The following ITSN2 variants were observed in gnomAD, a reference collection of about 807,000 sequenced individuals.
ITSN2 encodes intersectin-2.
ITSN2 carries 156 observed loss-of-function variants against 243.7 expected under a neutral mutation model. The ratio of observed to expected loss-of-function variants is 0.64; its 90% CI spans 0.56 to 0.73. The LOEUF is 0.73. ITSN2 is among the 30% of genes least tolerant of loss of function. ITSN2 has a pLI of 0.00. For synonymous variants in ITSN2, 703 were observed against 699.9 expected, an observed-to-expected ratio of 1.00 and a Z score of -0.07; for missense variants, 1,801 against 1,996.1, an observed-to-expected ratio of 0.90 and a Z score of 1.86.
chr2:24,305,173 C>T (rs904668995), intron 8 of ITSN2, among the ~76,000 whole-genome samples: 2 of 152,100 alleles, frequency 1.3e-5, no homozygotes, highest in Non-Finnish European at 2.9e-5. Context: ...CATGTCTTGC[C>T]CCTGTCTGTA....
chr2:24,293,613 TA>T, intron 15 of ITSN2, 74 bp downstream of exon 15: 1 of 588,642 alleles, frequency 1.7e-6, no homozygotes, highest in Non-Finnish European at 3.0e-6. Context: ...TTTTTAATTT[TA>T]AAAAAGTAAC....
chr2:24,297,205 T>C (rs1056708511), intron 13 of ITSN2, among the ~76,000 whole-genome samples: 21 of 152,232 alleles, frequency 1.4e-4, no homozygotes, highest in African/African-American at 5.1e-4. Context: ...TAATTTTTAA[T>C]GTAATTCAAG....
At chr2:24,272,214 C>G (rs1677451012) in intron 18 of ITSN2, among the ~76,000 whole-genome samples, 1 of 152,034 alleles carries the variant, frequency 6.6e-6, no homozygotes, top group South Asian at 2.1e-4. Flanking sequence ...GCTAACCAAC[C>G]TCCAAACTCA....
intron 25 of ITSN2, among the ~76,000 whole-genome samples, chr2:24,251,744 C>T (rs1454744399): frequency 6.7e-6 from 1 of 150,250 alleles, no homozygotes; most frequent in Non-Finnish European, 1.5e-5. Flanking sequence ...TTTATGTTAC[C>T]ATGTAATGGA....
intron 5 of ITSN2, among the ~76,000 whole-genome samples, chr2:24,311,137 AAGT>A (rs1353021072): frequency 2.0e-5 from 3 of 152,112 alleles, no homozygotes; most frequent in Non-Finnish European, 4.4e-5. Context: ...AAAAGGTTCT[AAGT>A]AGTAGATACT....
intron 17 of ITSN2, among the ~76,000 whole-genome samples, chr2:24,284,525 T>C (rs1453031868): frequency 6.6e-6 from 1 of 152,152 alleles, no homozygotes; most frequent in Non-Finnish European, 1.5e-5. Context: ...TTTCTAAGTG[T>C]CCTGGACTTC....
chr2:24,243,725 G>A (rs1673008212), intron 29 of ITSN2, among the ~76,000 whole-genome samples: 1 of 152,178 alleles, frequency 6.6e-6, no homozygotes, highest in Non-Finnish European at 1.5e-5. Flanking sequence ...TTATAGGTGT[G>A]CGCCACTGTG....
intron 15 of ITSN2, among the ~76,000 whole-genome samples, chr2:24,288,505 A>C (rs1290838149): frequency 6.6e-6 from 1 of 152,128 alleles, no homozygotes; most frequent in Admixed American, 6.5e-5. Flanking sequence ...TGTGTATGTT[A>C]ATTAGCTAGG....
chr2:24,285,201 A>AT (rs1432899480), intron 16 of ITSN2, among the ~76,000 whole-genome samples: 1 of 152,028 alleles, frequency 6.6e-6, no homozygotes, highest in East Asian at 1.9e-4. Context: ...AGTTATGTAG[A>AT]TTTTTTAAAG....
chr2:24,242,636 C>T (rs1185023634), intron 29 of ITSN2, among the ~76,000 whole-genome samples: 1 of 152,174 alleles, frequency 6.6e-6, no homozygotes, highest in Non-Finnish European at 1.5e-5. Flanking sequence ...TATGATTCTT[C>T]AATTTCTGAT....
Position 24,246,295 on chromosome 2 carries a change from G to A in ITSN2, c.3411C>T (p.Asp1137=). The A allele has an allele frequency of 6.2e-7, 1 of 1,608,228 alleles. No homozygotes were observed. The highest frequency in any genetic ancestry group is 8.5e-7 in the Non-Finnish European group (1 of 1,176,070). Residue 1137 remains aspartate (D), a synonymous_variant, in exon 29 of 40, where the codon GAC becomes GAT. Transcript: ENST00000355123. The stretch of plus-strand genomic sequence containing the variant: ...GCTCATCTTCATTATTTGCTGCATA[G>A]TCATACATAGCAATCACCTGACATA... ...HPVCQVIAMY[D]YAANNEDELS...
intron 8 of ITSN2, among the ~76,000 whole-genome samples, 181 bp from the exon 9 acceptor site, chr2:24,304,043 C>G (rs1682156906): frequency 6.6e-6 from 1 of 152,144 alleles, no homozygotes; most frequent in African/African-American, 2.4e-5. Context: ...CAGTCACTGC[C>G]CCAAGGAATT....
chr2:24,299,346 G>C (rs1323454200), intron 12 of ITSN2, among the ~76,000 whole-genome samples: 3 of 152,020 alleles, frequency 2.0e-5, no homozygotes, highest in African/African-American at 4.8e-5. Flanking sequence ...CTCTATTCTG[G>C]TATCTGGGGG....
In ITSN2 at chr2:24,290,643, T is replaced by C. The variant is rs888964493; in HGVS notation, c.1723+3045A>G. Among the ~76,000 whole-genome samples the C allele has an allele frequency of 2.0e-5, 3 of 152,008 alleles. No individual in the cohort carries two copies. The East Asian group carries it at 5.8e-4, about 29-fold the overall frequency. On this transcript the variant is annotated intron_variant, in intron 15 of 39. Coordinates refer to ENST00000355123, the MANE Select transcript of ITSN2 (RefSeq NM_006277.3). ...CTAATTTATCTAGAATTTATTTCTG[T>C]ACATAGAGAGCGGTAAAGAGCTCCT...
intron 27 of ITSN2, 107 bp downstream of exon 27, chr2:24,248,522 G>C: frequency 1.2e-6 from 1 of 827,188 alleles, no homozygotes; most frequent in Non-Finnish European, 1.8e-6. Flanking sequence ...TTACCTCTAA[G>C]TGGAATGATT....
chr2:24,354,617 G>C (rs2151950547), intron 1 of ITSN2, among the ~76,000 whole-genome samples: 1 of 152,294 alleles, frequency 6.6e-6, no homozygotes, highest in East Asian at 1.9e-4. Context: ...AACAGAAGCT[G>C]AAGAGAATTA....
rs1034925348 is a variant in ITSN2, at chr2:24,297,886, T to C, written c.1494+779A>G. On this transcript the variant is annotated intron_variant, in intron 13 of 39. Coordinates refer to ENST00000355123, the MANE Select transcript of ITSN2 (RefSeq NM_006277.3). ...TCAGCATTTTGAGTCATTATCCTTT[T>C]CTCAGTAAACCATATTGTACAGTCT... is the stretch of plus-strand genomic sequence containing the variant. 2.0e-5 allele frequency among the ~76,000 whole-genome samples: 3 copies of C among 152,358 alleles called. No individual in the cohort carries two copies. In the South Asian group the frequency reaches 6.2e-4, roughly 32 times the overall value.
At chr2:24,219,714 C>T (rs573941391) in intron 30 of ITSN2, among the ~76,000 whole-genome samples, 6 of 152,258 alleles carry the variant, frequency 3.9e-5, no homozygotes, top group East Asian at 1.9e-4. Flanking sequence ...GGCAAGCACC[C>T]GGTGCCTGCT....
At chr2:24,301,283 A>G in intron 10 of ITSN2, 44 bp from the exon 11 acceptor site, 1 of 1,182,994 alleles carries the variant, frequency 8.5e-7, no homozygotes, top group Non-Finnish European at 1.3e-6. Context: ...TAGTCTGGAC[A>G]TTTTCAGACT....
Sources: allele counts gnomAD v4.1 joint callset (sites outside exome capture counted in the v4.1 genomes callset), GRCh38; gene constraint gnomAD v4.1.1; transcripts MANE v1.5; gene names NCBI Gene and HGNC (gene_info 2026-07-23, HGNC 2026-07-21).